Variants in DLG2 observed in about 807,000 individuals in gnomAD.
The protein encoded by DLG2 is disks large homolog 2.
Under a neutral mutation model 132.5 loss-of-function variants are expected in DLG2, and 45 were observed. The observed-to-expected ratio is 0.34, with a 90% CI of 0.27 to 0.44. The LOEUF (loss-of-function observed/expected upper bound fraction) is 0.44. DLG2 is among the 20% of genes least tolerant of loss of function. The pLI, the probability that DLG2 is intolerant of heterozygous loss-of-function variation, is 1.00. For missense variants in DLG2, 1,045 were observed against 1,196.9 expected (o/e 0.87, Z 1.87); for synonymous variants, 424 against 419.6 (o/e 1.01, Z -0.13).
chr11:83,813,621 A>T (rs1392022683), intron 17 of DLG2, among the ~76,000 whole-genome samples: 1 of 152,158 alleles, frequency 6.6e-6, no homozygotes, highest in East Asian at 1.9e-4. Flanking sequence ...TAGGCGATAC[A>T]TGGTTTAGTA....
At chr11:84,337,074 T>C (rs1301406482) in intron 7 of DLG2, among the ~76,000 whole-genome samples, 1 of 152,220 alleles carries the variant, frequency 6.6e-6, no homozygotes, top group Non-Finnish European at 1.5e-5. Flanking sequence ...ACTTTTATTA[T>C]GTGTTTTATA....
chr11:84,889,647 T>G (rs1240824216), intron 6 of DLG2, among the ~76,000 whole-genome samples: 1 of 152,156 alleles, frequency 6.6e-6, no homozygotes, highest in Non-Finnish European at 1.5e-5. Context: ...ATTTTTTAAA[T>G]TAAATTAAAA....
At chr11:85,522,704 G>T (rs1383709991) in intron 3 of DLG2, among the ~76,000 whole-genome samples, 1 of 152,202 alleles carries the variant, frequency 6.6e-6, no homozygotes, top group African/African-American at 2.4e-5. Flanking sequence ...GAACTTTAAG[G>T]TTCAATGACT....
At chr11:83,888,719 C>T (rs957186424) in intron 15 of DLG2, among the ~76,000 whole-genome samples, 3 of 152,146 alleles carry the variant, frequency 2.0e-5, no homozygotes, top group Admixed American at 2.0e-4. Context: ...TACAAGGCTA[C>T]AGTAACCAAA....
intron 19 of DLG2, among the ~76,000 whole-genome samples, chr11:83,587,071 G>T (rs781395607): frequency 5.3e-5 from 8 of 152,186 alleles, no homozygotes; most frequent in Non-Finnish European, 8.8e-5. Flanking sequence ...GTGTTGTGAT[G>T]ATTACATGAA....
intron 7 of DLG2, among the ~76,000 whole-genome samples, chr11:84,448,041 A>G (rs966340441): frequency 6.6e-6 from 1 of 152,122 alleles, no homozygotes; most frequent in Non-Finnish European, 1.5e-5. Flanking sequence ...CACAGTGCTA[A>G]AGATGCCTAA....
At chr11:84,426,424 T>A (rs914148408) in intron 7 of DLG2, among the ~76,000 whole-genome samples, 3 of 152,134 alleles carry the variant, frequency 2.0e-5, no homozygotes, top group Non-Finnish European at 4.4e-5. Context: ...TGGGTTGAAA[T>A]CCTGGCATTA....
At chr11:85,395,879 A>G (rs2087305239) in intron 3 of DLG2, among the ~76,000 whole-genome samples, 2 of 152,192 alleles carry the variant, frequency 1.3e-5, no homozygotes, top group South Asian at 4.1e-4. Context: ...GCAGATTTAA[A>G]CATCCCTGTC....
intron 6 of DLG2, among the ~76,000 whole-genome samples, chr11:84,636,940 C>A (rs1240819283): frequency 6.8e-6 from 1 of 147,904 alleles, no homozygotes; most frequent in Non-Finnish European, 1.5e-5. Context: ...CACCACCACA[C>A]CTGCTAATTT....
At chr11:84,757,537 A>T (rs1422292382) in intron 6 of DLG2, among the ~76,000 whole-genome samples, 4 of 152,036 alleles carry the variant, frequency 2.6e-5, no homozygotes, top group Non-Finnish European at 4.4e-5. Flanking sequence ...AGGCTGACCA[A>T]CTCCAGAGGA....
intron 6 of DLG2, among the ~76,000 whole-genome samples, chr11:84,848,355 A>C (rs993302432): frequency 6.6e-6 from 1 of 151,864 alleles, no homozygotes; most frequent in Non-Finnish European, 1.5e-5. Context: ...TTAGCCAGGC[A>C]TGGTGGTGCA....
In DLG2 at chr11:83,532,714, C is replaced by A. The variant is rs369253300; in HGVS notation, c.2187G>T (p.Ser729=). 5 of 1,613,096 alleles carry A rather than the reference C, an allele frequency of 3.1e-6. No individual in the cohort carries two copies. The highest frequency in any genetic ancestry group is 4.2e-6 in the Non-Finnish European group (5 of 1,179,352). Reference sequence around the variant, plus strand: ...TCCATCATTTTGTACCTACCCCTTTCGAATCAATCACTCCAGGTTTGGCAT... The same window carrying A: ...TCCATCATTTTGTACCTACCCCTTTAGAATCAATCACTCCAGGTTTGGCAT... ...KFNAKPGVID[S]KGSFNDKRKK... Residue 729 remains serine, a synonymous_variant, in exon 21 of 28, where the codon TCG becomes TCT. Transcript: ENST00000376104.
At chr11:84,294,620 T>C (rs1245987908) in intron 7 of DLG2, among the ~76,000 whole-genome samples, 1 of 152,046 alleles carries the variant, frequency 6.6e-6, no homozygotes, top group Admixed American at 6.6e-5. Context: ...TAAATGAAAA[T>C]GAAGAACATC....
chr11:84,404,075 C>T (rs2098840107), intron 7 of DLG2, among the ~76,000 whole-genome samples: 1 of 152,060 alleles, frequency 6.6e-6, no homozygotes, highest in South Asian at 2.1e-4. Context: ...TGTATTATTG[C>T]TTTACCGTGT....
At chr11:84,362,908 A>C (rs1029861547) in intron 7 of DLG2, among the ~76,000 whole-genome samples, 119 of 152,208 alleles carry the variant, frequency 7.8e-4, no homozygotes, top group African/African-American at 2.8e-3. Context: ...CCAATCTATC[A>C]TTGTTGGACA....
chr11:84,194,894 G>A (rs926955040), intron 8 of DLG2, among the ~76,000 whole-genome samples: 35 of 152,282 alleles, frequency 2.3e-4, no homozygotes, highest in African/African-American at 6.0e-4. Flanking sequence ...CTCCAAGCGC[G>A]GGGCCTATTG....
At chr11:83,879,213 G>A (rs1160989880) in intron 15 of DLG2, among the ~76,000 whole-genome samples, 1 of 152,148 alleles carries the variant, frequency 6.6e-6, no homozygotes, top group Non-Finnish European at 1.5e-5. Flanking sequence ...TGAGAGGCAG[G>A]ATAAGTGGTT....
chr11:85,497,458 T>C (rs2093693260), intron 3 of DLG2, among the ~76,000 whole-genome samples: 2 of 152,122 alleles, frequency 1.3e-5, no homozygotes, highest in Non-Finnish European at 2.9e-5. Context: ...TTGACTGGTG[T>C]ACTGGAAAAT....
intron 19 of DLG2, among the ~76,000 whole-genome samples, chr11:83,597,938 TATC>T (rs1351768722): frequency 1.3e-5 from 2 of 152,252 alleles, no homozygotes; most frequent in African/African-American, 4.8e-5. Flanking sequence ...AGGCCAATAT[TATC>T]ATCTTCCTTT....
Sources: allele counts gnomAD v4.1 joint callset (sites outside exome capture counted in the v4.1 genomes callset), GRCh38; gene constraint gnomAD v4.1.1; transcripts MANE v1.5; gene names NCBI Gene and HGNC (gene_info 2026-07-23, HGNC 2026-07-21).